The following UBR2 variants were observed in gnomAD, a reference collection of about 807,000 sequenced individuals.
UBR2 encodes the protein E3 ubiquitin-protein ligase UBR2.
UBR2 carries 92 observed loss-of-function variants against 247.9 expected under a neutral mutation model. The observed-to-expected ratio is 0.37, with a 90% confidence interval of 0.31 to 0.44. The LOEUF (loss-of-function observed/expected upper bound fraction) is 0.44. Ranked by LOEUF, UBR2 falls within the 20% of genes least tolerant of loss-of-function variation. The pLI is 1.00. For missense variants in UBR2, 1,613 were observed against 2,112.6 expected, an observed-to-expected ratio of 0.76 and a Z score of 4.64; for synonymous variants, 672 against 693.5, an observed-to-expected ratio of 0.97 and a Z score of 0.49.
At chr6:42,597,149 G>C (rs556476435) in intron 4 of UBR2, among the ~76,000 whole-genome samples, 1 of 152,110 alleles carries the variant, frequency 6.6e-6, no homozygotes. Context: ...CTATCCAACA[G>C]TCCAAGCTCT....
At chr6:42,586,538 CTTTTTTT>C (rs147830824) in intron 2 of UBR2, among the ~76,000 whole-genome samples, 1 of 97,256 alleles carries the variant, frequency 1.0e-5, no homozygotes, top group African/African-American at 4.3e-5. Context: ...GTTTGTCTCT[CTTTTTTT>C]TTTTTTTTTT....
At chr6:42,626,777 G>C (rs1330143494) in intron 11 of UBR2, among the ~76,000 whole-genome samples, 2 of 152,066 alleles carry the variant, frequency 1.3e-5, no homozygotes, top group Non-Finnish European at 2.9e-5. Flanking sequence ...TATAACTTTA[G>C]AATTTTGTAA....
intron 10 of UBR2, among the ~76,000 whole-genome samples, chr6:42,616,795 A>G (rs1201273554): frequency 6.6e-6 from 1 of 152,186 alleles, no homozygotes; most frequent in African/African-American, 2.4e-5. Context: ...TTCAAAATAC[A>G]TGTGTTGTGT....
chr6:42,659,631 T>G lies in UBR2; in HGVS notation c.3243-25T>G. ...TATAGAAAGTTTTGGGATCATTAATTATATTCATAACCTTTGTATTGCAGC... is the reference window on the plus strand; with the variant it reads ...TATAGAAAGTTTTGGGATCATTAATGATATTCATAACCTTTGTATTGCAGC... On this transcript the variant is annotated intron_variant, in intron 29 of 46. Transcript: ENST00000372901. The surrounding 1 kb of genome is among the most constrained non-coding windows in gnomAD (Gnocchi z 4.3). The G allele has an allele frequency of 1.2e-6, 2 of 1,603,042 alleles. No individual in the cohort carries two copies. Among genetic ancestry groups the G allele is most frequent in the Non-Finnish European group, 8.5e-7 (1 of 1,173,444 alleles).
chr6:42,575,043 AT>A (rs67222861), intron 2 of UBR2, among the ~76,000 whole-genome samples: 3,364 of 152,294 alleles, frequency 0.022, 117 homozygotes, highest in African/African-American at 0.076. Flanking sequence ...ATATATGGCA[AT>A]TTTAAACCTA....
At chr6:42,632,102 G>GCACA (rs1313632279) in intron 11 of UBR2, among the ~76,000 whole-genome samples, 1 of 137,422 alleles carries the variant, frequency 7.3e-6, no homozygotes, top group South Asian at 2.3e-4. Flanking sequence ...GTACACACAT[G>GCACA]CACACACACA....
chr6:42,631,871 TATATATATATATATATATAA>T (rs1260658128), intron 11 of UBR2, among the ~76,000 whole-genome samples: 8 of 82,684 alleles, frequency 9.7e-5, no homozygotes, highest in East Asian at 5.3e-4. Context: ...TATATATATA[TATATATATATATATATATAA>T]ATACAGGTTC....
At chr6:42,651,930 T>C (rs868542682) in intron 23 of UBR2, 93 bp from the exon 24 acceptor site, 1 of 1,271,320 alleles carries the variant, frequency 7.9e-7, no homozygotes, top group African/African-American at 1.5e-5. Flanking sequence ...GCCAACATAG[T>C]GAAACCCCAC....
rs1315809965 is a variant in UBR2 at position 42,612,355 on chromosome 6, CTGTTT to C, written c.985+67_985+71del. 4.8e-5 allele frequency: 67 copies of C among 1,390,808 alleles called. No homozygotes were observed. In the East Asian group the frequency reaches 6.6e-4, roughly 14 times the overall value. The allele number at this position is 1,390,808 out of a possible 1,614,324, so 86.2% of individuals were successfully genotyped here. On this transcript the variant is annotated intron_variant, in intron 8 of 46. Transcript: ENST00000372901. ...ATGAGCTCAATATGCTGTTGCAAAA[CTGTTT>C]TGGGAAAACTATCAACTGGAATAAT...
At chr6:42,658,368 C>A in intron 28 of UBR2, 48 bp downstream of exon 28, 1 of 1,514,436 alleles carries the variant, frequency 6.6e-7, no homozygotes, top group South Asian at 1.2e-5. Flanking sequence ...ACAGCAAGTT[C>A]AGTATGAACA....
intron 36 of UBR2, among the ~76,000 whole-genome samples, chr6:42,671,151 C>T (rs1798403148): frequency 6.9e-6 from 1 of 145,352 alleles, no homozygotes; most frequent in African/African-American, 2.6e-5. Flanking sequence ...TGCCATTGCA[C>T]TCCAGCCTGG....
chr6:42,658,953 G>A (rs1797608895), intron 29 of UBR2, 129 bp downstream of exon 29: 5 of 1,036,938 alleles, frequency 4.8e-6, no homozygotes, highest in South Asian at 4.0e-5. Context: ...GGTAAATTTT[G>A]TGACCTCCAT....
At chr6:42,673,916 G>C in intron 37 of UBR2, 29 bp downstream of exon 37, 1 of 1,564,844 alleles carries the variant, frequency 6.4e-7, no homozygotes, top group Non-Finnish European at 8.7e-7. Context: ...ATAACATGTT[G>C]TAATTTTTCA....
intron 2 of UBR2, among the ~76,000 whole-genome samples, chr6:42,587,201 G>GA (rs1193748444): frequency 6.6e-6 from 1 of 152,002 alleles, no homozygotes; most frequent in Non-Finnish European, 1.5e-5. Context: ...GAAAAGACAG[G>GA]AAAAAATATG....
rs554255809 is a variant in UBR2 at position 42,657,357 on chromosome 6, G to A, written c.2873-667G>A. On this transcript the variant is annotated intron_variant, in intron 26 of 46. Coordinates refer to ENST00000372901, the MANE Select transcript of UBR2 (RefSeq NM_001363705.2). Reference sequence around the variant, plus strand: ...GACATTCTACATAATTAAGACACACGATTTATTTCCAAAGAAACCTCTCCC... The same window carrying A: ...GACATTCTACATAATTAAGACACACAATTTATTTCCAAAGAAACCTCTCCC... Among the ~76,000 whole-genome samples the A allele has an allele frequency of 9.9e-5, 15 of 151,832 alleles. No individual in the cohort carries two copies. In the East Asian group the frequency reaches 2.7e-3, roughly 27 times the overall value.
chr6:42,656,210 T>G (rs1797431811), intron 26 of UBR2, among the ~76,000 whole-genome samples: 1 of 152,248 alleles, frequency 6.6e-6, no homozygotes, highest in Admixed American at 6.5e-5. Flanking sequence ...TAATATTTCA[T>G]GTCTCAAAGA....
At chr6:42,635,273 C>A in intron 13 of UBR2, 145 bp from the exon 14 acceptor site, 1 of 698,002 alleles carries the variant, frequency 1.4e-6, no homozygotes, top group Non-Finnish European at 2.3e-6. Flanking sequence ...TATTATTTCT[C>A]ATAGTACTTG....
At chr6:42,570,498 G>T (rs550932794) in intron 1 of UBR2, among the ~76,000 whole-genome samples, 3 of 152,300 alleles carry the variant, frequency 2.0e-5, no homozygotes, top group Non-Finnish European at 2.9e-5. Flanking sequence ...CTCCCAAAGT[G>T]CTGGGATTAT....
chr6:42,661,668 C>G (rs1797813321), intron 30 of UBR2, among the ~76,000 whole-genome samples: 2 of 152,092 alleles, frequency 1.3e-5, no homozygotes, highest in Admixed American at 1.3e-4. Flanking sequence ...CTGGTCTGTG[C>G]TTAGATTTTT....
Sources: gnomAD v4.1 joint callset for allele counts (sites outside exome capture counted in the v4.1 genomes callset) on GRCh38, gnomAD v4.1.1 for gene constraint, Gnocchi (gnomAD v3.1) non-coding constraint, MANE v1.5 for transcripts, NCBI Gene and HGNC (gene_info 2026-07-23, HGNC 2026-07-21) for gene names.